SORCS1: variants seen among roughly 807,000 people sequenced by gnomAD.
SORCS1 encodes the protein sortilin related VPS10 domain containing receptor 1.
Under a neutral mutation model 146.1 loss-of-function variants are expected in SORCS1, and 60 were observed. That is an observed-to-expected ratio of 0.41 (90% CI 0.33 to 0.51). The LOEUF is 0.51. Among genes scored for constraint, SORCS1 ranks in the 20% least tolerant of loss-of-function variants. SORCS1 has a pLI of 0.21. For missense variants in SORCS1, 1,352 were observed against 1,487.6 expected (o/e 0.91, Z 1.50); for synonymous variants, 637 against 584.0 (o/e 1.09, Z -1.31).
chr10:106,983,086 T>C (rs1956301686), intron 1 of SORCS1, among the ~76,000 whole-genome samples: 1 of 149,586 alleles, frequency 6.7e-6, no homozygotes, highest in Non-Finnish European at 1.5e-5. Flanking sequence ...TACAGTTTAT[T>C]TCCTCATTAT....
intron 1 of SORCS1, among the ~76,000 whole-genome samples, chr10:107,105,414 G>A (rs1253408035): frequency 2.0e-5 from 3 of 152,154 alleles, no homozygotes; most frequent in Non-Finnish European, 1.5e-5. Flanking sequence ...ATCATAAGGT[G>A]AAGTCCCACA....
At chr10:106,977,011 T>C (rs927118064) in intron 1 of SORCS1, among the ~76,000 whole-genome samples, 1 of 152,206 alleles carries the variant, frequency 6.6e-6, no homozygotes, top group Non-Finnish European at 1.5e-5. Context: ...CATGTGCATG[T>C]GTCTTTATAG....
chr10:106,764,237 A>T (rs557800225), intron 4 of SORCS1, among the ~76,000 whole-genome samples: 1 of 152,306 alleles, frequency 6.6e-6, no homozygotes, highest in South Asian at 2.1e-4. Flanking sequence ...TTCTCCACCT[A>T]CTACTTCAGA....
intron 13 of SORCS1, 87 bp downstream of exon 13, chr10:106,677,226 G>T: frequency 8.0e-7 from 1 of 1,246,234 alleles, no homozygotes; most frequent in Non-Finnish European, 1.2e-6. Context: ...TACAGAAACA[G>T]ACACGGTTTG....
chr10:106,726,702 C>G (rs1283016921), intron 6 of SORCS1, among the ~76,000 whole-genome samples: 1 of 152,164 alleles, frequency 6.6e-6, no homozygotes, highest in Non-Finnish European at 1.5e-5. Flanking sequence ...GACCCTCAAG[C>G]TCTTTCACTA....
intron 1 of SORCS1, among the ~76,000 whole-genome samples, chr10:107,130,275 T>C (rs1478281119): frequency 6.6e-6 from 1 of 152,244 alleles, no homozygotes; most frequent in East Asian, 1.9e-4. Flanking sequence ...TCTCATCTTA[T>C]GGCTACTTTT....
chr10:106,892,985 C>T (rs1177367539), intron 2 of SORCS1, among the ~76,000 whole-genome samples: 1 of 151,516 alleles, frequency 6.6e-6, no homozygotes, highest in African/African-American at 2.4e-5. Context: ...ACCTCCGCCT[C>T]CCAGGTTCAA....
the SORCS1 span, among the ~76,000 whole-genome samples, chr10:107,173,757 A>AACCT: frequency 2.0e-5 from 3 of 152,166 alleles, no homozygotes; most frequent in African/African-American, 7.2e-5. Flanking sequence ...GTTGTAGTAT[A>AACCT]TGGATATCAA....
At chr10:106,804,698 C>G (rs1470718139) in intron 3 of SORCS1, among the ~76,000 whole-genome samples, 1 of 152,114 alleles carries the variant, frequency 6.6e-6, no homozygotes, top group South Asian at 2.1e-4. Flanking sequence ...AGGAAATCCA[C>G]TTAAATAGAC....
intron 18 of SORCS1, among the ~76,000 whole-genome samples, chr10:106,634,853 T>A (rs1848639753): frequency 6.6e-6 from 1 of 152,194 alleles, no homozygotes; most frequent in African/African-American, 2.4e-5. Flanking sequence ...TTCAATCTAA[T>A]AACTCAAAAG....
chr10:107,165,216 CTG>C (rs1001748570), upstream of SORCS1, among the ~76,000 whole-genome samples: 9 of 151,466 alleles, frequency 5.9e-5, no homozygotes, highest in Admixed American at 4.6e-4. The surrounding 1 kb of genome is among the most constrained non-coding windows in gnomAD (Gnocchi z 4.0). Flanking sequence ...GCAGCAGAGC[CTG>C]TGTGTCCCAG....
chr10:107,147,089 C>T (rs1298237157), intron 1 of SORCS1, among the ~76,000 whole-genome samples: 1 of 152,108 alleles, frequency 6.6e-6, no homozygotes, highest in Non-Finnish European at 1.5e-5. Context: ...ATTGATAACC[C>T]CAGCAACTCT....
intron 1 of SORCS1, among the ~76,000 whole-genome samples, chr10:107,136,053 T>C (rs1468489507): frequency 6.6e-6 from 1 of 152,072 alleles, no homozygotes; most frequent in Non-Finnish European, 1.5e-5. Flanking sequence ...GTTTTTCTTT[T>C]AAATTGTCCA....
chr10:106,579,530 C>G (rs925128593), intron 24 of SORCS1, 56 bp from the exon 25 acceptor site: 6 of 1,547,690 alleles, frequency 3.9e-6, no homozygotes, highest in African/African-American at 2.7e-5. Flanking sequence ...AGGTGAGACT[C>G]TATGAGAGGC....
intron 1 of SORCS1, among the ~76,000 whole-genome samples, chr10:106,996,354 A>G (rs191112934): frequency 8.6e-4 from 131 of 152,310 alleles, no homozygotes; most frequent in African/African-American, 2.9e-3. Flanking sequence ...TCTATAGCTA[A>G]AAATTATTTT....
intron 2 of SORCS1, among the ~76,000 whole-genome samples, chr10:106,883,645 C>A (rs1589625755): frequency 6.6e-6 from 1 of 152,108 alleles, no homozygotes; most frequent in East Asian, 1.9e-4. Context: ...GATCTCCTGA[C>A]CTCGTGATCC....
At chr10:106,942,426 G>T (rs1364549617) in intron 2 of SORCS1, among the ~76,000 whole-genome samples, 1 of 152,028 alleles carries the variant, frequency 6.6e-6, no homozygotes, top group Non-Finnish European at 1.5e-5. Context: ...GTTACACAAG[G>T]CTCACTGGAA....
At chr10:106,852,405 G>A (rs1013620612) in intron 2 of SORCS1, among the ~76,000 whole-genome samples, 6 of 151,952 alleles carry the variant, frequency 3.9e-5, no homozygotes, top group East Asian at 1.9e-4. Flanking sequence ...TGAGGCAGTC[G>A]CATCACAAGG....
intron 2 of SORCS1, among the ~76,000 whole-genome samples, chr10:106,843,144 C>G (rs185049060): frequency 9.6e-4 from 146 of 152,258 alleles, no homozygotes; most frequent in Admixed American, 3.9e-3. Flanking sequence ...GAGCATATTT[C>G]AAATATGCTT....
Sources: gnomAD v4.1 joint callset for allele counts (sites outside exome capture counted in the v4.1 genomes callset) on GRCh38, gnomAD v4.1.1 for gene constraint, Gnocchi (gnomAD v3.1) non-coding constraint, MANE v1.5 for transcripts, NCBI Gene and HGNC (gene_info 2026-07-23, HGNC 2026-07-21) for gene names.